Variants in MBD5 observed in about 807,000 individuals in gnomAD.
MBD5 encodes methyl-CpG binding domain protein 5, also known as methyl-CpG-binding domain protein 5.
In MBD5, 13 loss-of-function variants were observed where a neutral mutation model predicts 117.3. The observed-to-expected ratio is 0.11, with a 90% confidence interval of 0.07 to 0.18. The LOEUF is 0.18. Ranked by LOEUF, MBD5 falls within the 10% of genes least tolerant of loss-of-function variation. The pLI is 1.00. For synonymous variants in MBD5, 727 were observed against 766.4 expected, an observed-to-expected ratio of 0.95 and a Z score of 0.85; for missense variants, 1,879 against 2,093.8, an observed-to-expected ratio of 0.90 and a Z score of 2.00.
intron 3 of MBD5, among the ~76,000 whole-genome samples, chr2:148,320,102 C>T (rs1268965933): frequency 1.3e-5 from 2 of 152,124 alleles, no homozygotes; most frequent in African/African-American, 2.4e-5. Flanking sequence ...CCTACCTAAT[C>T]ATGGTATGTT....
chr2:148,389,322 C>T (rs1265050184), intron 4 of MBD5, among the ~76,000 whole-genome samples: 1 of 119,634 alleles, frequency 8.4e-6, no homozygotes, highest in Non-Finnish European at 1.7e-5. Context: ...CTTTATCCAA[C>T]CCAACCCAGC....
At chr2:148,280,643 G>A (rs1361091734) in intron 3 of MBD5, among the ~76,000 whole-genome samples, 1 of 151,944 alleles carries the variant, frequency 6.6e-6, no homozygotes, top group Non-Finnish European at 1.5e-5. Flanking sequence ...TTGCCCAGGC[G>A]GGCCTCAAAC....
intron 1 of MBD5, among the ~76,000 whole-genome samples, chr2:148,067,754 G>A (rs1242423571): frequency 1.3e-5 from 2 of 152,144 alleles, no homozygotes; most frequent in African/African-American, 4.8e-5. Context: ...ACATCTCATA[G>A]TAACTGAATG....
intron 1 of MBD5, chr2:148,071,885 G>A (rs933314935): frequency 6.6e-6 from 1 of 152,142 alleles, no homozygotes; most frequent in Admixed American, 6.5e-5. Context: ...TCTAGGTTTT[G>A]TAATCATTAA....
At chr2:148,383,243 A>C (rs1413267354) in intron 4 of MBD5, among the ~76,000 whole-genome samples, 2 of 152,198 alleles carry the variant, frequency 1.3e-5, no homozygotes, top group Non-Finnish European at 2.9e-5. Flanking sequence ...AGAAGAATCA[A>C]ATAGATGAAA....
chr2:148,041,966 A>C (rs1157569646), intron 1 of MBD5, among the ~76,000 whole-genome samples: 1 of 152,228 alleles, frequency 6.6e-6, no homozygotes, highest in South Asian at 2.1e-4. Flanking sequence ...ATCCTTTCCT[A>C]TATTTTAATC....
At chr2:148,477,753 TTGCAATGCAA>T (rs1681017084) in intron 8 of MBD5, among the ~76,000 whole-genome samples, 1 of 152,190 alleles carries the variant, frequency 6.6e-6, no homozygotes, top group African/African-American at 2.4e-5. Context: ...TTGTCCCTGT[TTGCAATGCAA>T]GTACACTTAC....
chr2:148,293,147 C>CAAAA (rs35179123), intron 3 of MBD5, among the ~76,000 whole-genome samples: 7 of 84,916 alleles, frequency 8.2e-5, no homozygotes, highest in East Asian at 3.3e-4. Context: ...AACCTTGCCT[C>CAAAA]AAAAAAAAAA....
At chr2:148,326,528 G>A (rs1031000582) in intron 3 of MBD5, among the ~76,000 whole-genome samples, 2 of 152,066 alleles carry the variant, frequency 1.3e-5, no homozygotes, top group Admixed American at 1.3e-4. Context: ...TCCTGTATTG[G>A]GTGCACATAT....
chr2:148,073,451 TCTTC>T (rs1695414292), intron 1 of MBD5, among the ~76,000 whole-genome samples: 1 of 152,200 alleles, frequency 6.6e-6, no homozygotes, highest in African/African-American at 2.4e-5. Flanking sequence ...ATTTTATCAC[TCTTC>T]CTTCCTTGCT....
intron 4 of MBD5, among the ~76,000 whole-genome samples, chr2:148,450,955 A>G (rs1574438399): frequency 2.0e-5 from 3 of 152,092 alleles, no homozygotes; most frequent in Non-Finnish European, 4.4e-5. Flanking sequence ...GACTGGCCTC[A>G]CTCTCAGGAG....
At chr2:148,462,200 C>T (rs548258738) in intron 5 of MBD5, among the ~76,000 whole-genome samples, 3 of 152,248 alleles carry the variant, frequency 2.0e-5, no homozygotes, top group Admixed American at 2.0e-4. Flanking sequence ...CCTCAAAGAG[C>T]TTTCAAAGTA....
intron 2 of MBD5, among the ~76,000 whole-genome samples, chr2:148,198,164 ATT>A (rs979392418): frequency 1.3e-5 from 2 of 151,838 alleles, no homozygotes; most frequent in African/African-American, 4.8e-5. Context: ...AGCTATTAAC[ATT>A]TTCCTCTTTT....
intron 4 of MBD5, among the ~76,000 whole-genome samples, chr2:148,398,041 T>A (rs956660504): frequency 2.6e-5 from 4 of 152,246 alleles, no homozygotes; most frequent in Admixed American, 1.3e-4. Context: ...ATTTTCTTAA[T>A]CCAGTCTATC....
intron 3 of MBD5, among the ~76,000 whole-genome samples, chr2:148,315,486 A>G (rs376934530): frequency 6.6e-6 from 1 of 152,206 alleles, no homozygotes; most frequent in East Asian, 1.9e-4. Context: ...AGTAAAATTG[A>G]AGAGTCGGGA....
At chr2:148,289,473 A>G (rs879629455) in intron 3 of MBD5, among the ~76,000 whole-genome samples, 2 of 152,180 alleles carry the variant, frequency 1.3e-5, no homozygotes, top group Non-Finnish European at 2.9e-5. Flanking sequence ...CTCTTGGAAA[A>G]CAACTAATCA....
intron 2 of MBD5, among the ~76,000 whole-genome samples, chr2:148,215,059 G>A (rs1274450611): frequency 6.6e-6 from 1 of 152,094 alleles, no homozygotes; most frequent in Non-Finnish European, 1.5e-5. Context: ...ACTAGATATA[G>A]GTTAAGGATT....
chr2:148,115,828 T>C (rs144999261), intron 1 of MBD5, among the ~76,000 whole-genome samples: 6 of 152,210 alleles, frequency 3.9e-5, no homozygotes, highest in Admixed American at 3.9e-4. Flanking sequence ...CCAGAGATCT[T>C]ATCATTTTTA....
At chr2:148,473,891 T>G (rs929218252) in intron 8 of MBD5, among the ~76,000 whole-genome samples, 1 of 152,216 alleles carries the variant, frequency 6.6e-6, no homozygotes, top group African/African-American at 2.4e-5. Context: ...AGTTTTCCAC[T>G]GGCTTTTTCA....
Sources: allele counts gnomAD v4.1 joint callset (sites outside exome capture counted in the v4.1 genomes callset), GRCh38; gene constraint gnomAD v4.1.1; transcripts MANE v1.5; gene names NCBI Gene and HGNC (gene_info 2026-07-23, HGNC 2026-07-21).